The following ATP8A2 variants were observed in gnomAD, a reference collection of about 807,000 sequenced individuals.
ATP8A2 encodes phospholipid-transporting ATPase IB.
Under a neutral mutation model 165.6 loss-of-function variants are expected in ATP8A2, and 100 were observed. The observed-to-expected ratio is 0.60, with a 90% CI of 0.51 to 0.71. The LOEUF is 0.71. ATP8A2 is among the 30% of genes least tolerant of loss of function. The pLI, the probability that ATP8A2 is intolerant of heterozygous loss-of-function variation, is 0.00. For missense variants in ATP8A2, 1,227 were observed against 1,479.5 expected, an observed-to-expected ratio of 0.83 and a Z score of 2.80; for synonymous variants, 543 against 548.8, an observed-to-expected ratio of 0.99 and a Z score of 0.15.
At chr13:25,720,316 C>G (rs1262751517) in intron 25 of ATP8A2, among the ~76,000 whole-genome samples, 1 of 151,752 alleles carries the variant, frequency 6.6e-6, no homozygotes, top group Non-Finnish European at 1.5e-5. Context: ...GTGCCCACCA[C>G]CATGCCAGGC....
chr13:25,544,215 A>G (rs1469049314), intron 10 of ATP8A2, among the ~76,000 whole-genome samples: 1 of 152,274 alleles, frequency 6.6e-6, no homozygotes, highest in Non-Finnish European at 1.5e-5. Context: ...AAGGAGTAAT[A>G]TAGAATGACA....
At chr13:25,675,806 T>A (rs1467779874) in intron 24 of ATP8A2, among the ~76,000 whole-genome samples, 2 of 152,156 alleles carry the variant, frequency 1.3e-5, no homozygotes, top group Non-Finnish European at 1.5e-5. Context: ...ATGCTGCTGA[T>A]GGAGTTACAG....
chr13:25,513,021 A>C (rs971043453), intron 2 of ATP8A2, among the ~76,000 whole-genome samples: 27 of 98,816 alleles, frequency 2.7e-4, no homozygotes, highest in African/African-American at 5.1e-4. Flanking sequence ...GACCCCCCCC[A>C]CCTCCCTCCC....
At position 25,818,095 on chromosome 13, in the gene ATP8A2, G is replaced by C. The variant is rs144805648; in HGVS notation, c.2680-10023G>C. 5.0e-3 allele frequency among the ~76,000 whole-genome samples: 758 copies of C among 152,198 alleles called. 4 individuals carry two copies. The highest frequency in any genetic ancestry group is 7.2e-3 in the Non-Finnish European group (491 of 68,024). ...AAGATTACTTCTGATTGTCTGCTAG[G>C]CCAGTCTCAACCATATTAGCAAAAG... On this transcript the variant is annotated intron_variant, in intron 27 of 36. Coordinates refer to ENST00000381655, the MANE Select transcript of ATP8A2 (RefSeq NM_016529.6).
chr13:25,457,557 A>C (rs1024556006), intron 1 of ATP8A2, among the ~76,000 whole-genome samples: 1 of 152,164 alleles, frequency 6.6e-6, no homozygotes, highest in Non-Finnish European at 1.5e-5. Flanking sequence ...GATTGTTATG[A>C]GGATTGGATG....
chr13:25,589,173 A>G (rs2040002552), intron 23 of ATP8A2, among the ~76,000 whole-genome samples: 1 of 152,168 alleles, frequency 6.6e-6, no homozygotes, highest in Non-Finnish European at 1.5e-5. Context: ...ATTACTTTAA[A>G]TTTTTCACAG....
chr13:25,940,829 A>G (rs1374963630), intron 33 of ATP8A2, among the ~76,000 whole-genome samples: 1 of 152,196 alleles, frequency 6.6e-6, no homozygotes, highest in Admixed American at 6.5e-5. Context: ...TGGCTCTGCC[A>G]CGATCCTGGC....
At chr13:25,798,692 A>G (rs1950548266) in intron 27 of ATP8A2, among the ~76,000 whole-genome samples, 1 of 152,202 alleles carries the variant, frequency 6.6e-6, no homozygotes. Context: ...TTTGCAGTGC[A>G]GAGAACATGA....
chr13:25,931,789 A>G (rs1181994), intron 33 of ATP8A2, among the ~76,000 whole-genome samples: 127,561 of 152,090 alleles, frequency 0.84, 53,721 homozygotes, highest in East Asian at 0.99. Flanking sequence ...GCTCACACCT[A>G]TAATCCCAGC....
intron 24 of ATP8A2, among the ~76,000 whole-genome samples, chr13:25,621,985 C>A (rs1257258687): frequency 6.6e-6 from 1 of 152,044 alleles, no homozygotes; most frequent in Non-Finnish European, 1.5e-5. Context: ...CCAGCCTGGA[C>A]AACATGGTGA....
At chr13:25,713,866 T>G (rs1345625652) in intron 25 of ATP8A2, among the ~76,000 whole-genome samples, 1 of 152,138 alleles carries the variant, frequency 6.6e-6, no homozygotes, top group East Asian at 1.9e-4. Flanking sequence ...AACCCCTGCC[T>G]CTGTGAGACT....
intron 2 of ATP8A2, among the ~76,000 whole-genome samples, chr13:25,529,624 G>A (rs1355800151): frequency 6.6e-6 from 1 of 152,174 alleles, no homozygotes; most frequent in Non-Finnish European, 1.5e-5. Flanking sequence ...TTATTTGGGT[G>A]TGGTTGAAGC....
chr13:25,468,428 G>C (rs527652682), intron 1 of ATP8A2, among the ~76,000 whole-genome samples: 1 of 152,192 alleles, frequency 6.6e-6, no homozygotes, highest in Non-Finnish European at 1.5e-5. Context: ...CATTTTTAGC[G>C]TCCAGAGGTG....
At chr13:25,779,118 T>TA (rs35128674) in intron 27 of ATP8A2, among the ~76,000 whole-genome samples, 27,007 of 140,576 alleles carry the variant, frequency 0.19, 2,450 homozygotes, top group Middle Eastern at 0.23. Context: ...TTTAAGATGC[T>TA]AAAAAAAAAA....
intron 25 of ATP8A2, among the ~76,000 whole-genome samples, chr13:25,753,627 C>T (rs2044201232): frequency 6.6e-6 from 1 of 152,198 alleles, no homozygotes; most frequent in African/African-American, 2.4e-5. Context: ...AAATTATCCT[C>T]AACCTGGAGG....
rs201674134 is a variant in ATP8A2 at position 25,699,322 on chromosome 13, G to T, written c.2361G>T (p.Ser787=). 19 of 1,612,888 alleles carry T rather than the reference G, an allele frequency of 1.2e-5. No individual in the cohort carries two copies. The highest frequency in any genetic ancestry group is 1.6e-5 in the Non-Finnish European group (19 of 1,179,482). Residue 787 remains serine (S), a synonymous_variant, in exon 25 of 37, where the codon TCG becomes TCT. Transcript: ENST00000381655. ...GGAGTTTCCTGGATTTGGCACTCTC[G>T]TGCAAAGCGGTCATATGCTGCAGGT... is the stretch of plus-strand genomic sequence containing the variant. ...VRRSFLDLAL[S]CKAVICCRVS...
chr13:25,596,189 A>G (rs949261771), intron 24 of ATP8A2, among the ~76,000 whole-genome samples: 4 of 152,092 alleles, frequency 2.6e-5, no homozygotes, highest in Middle Eastern at 6.3e-3. Context: ...TTAATCTTGT[A>G]TTATTTCTGC....
intron 10 of ATP8A2, among the ~76,000 whole-genome samples, chr13:25,551,116 A>T (rs1175238192): frequency 6.6e-6 from 1 of 152,188 alleles, no homozygotes; most frequent in East Asian, 1.9e-4. Flanking sequence ...GTAATGTTGG[A>T]ATGTGTTCTT....
chr13:25,657,351 C>T (rs76140769), intron 24 of ATP8A2, among the ~76,000 whole-genome samples: 7 of 152,104 alleles, frequency 4.6e-5, no homozygotes, highest in Admixed American at 2.6e-4. Context: ...GTCTCAGATA[C>T]TGACTCTGTG....
Sources: gnomAD v4.1 joint callset for allele counts (sites outside exome capture counted in the v4.1 genomes callset) on GRCh38, gnomAD v4.1.1 for gene constraint, MANE v1.5 for transcripts, NCBI Gene and HGNC (gene_info 2026-07-23, HGNC 2026-07-21) for gene names.